The following TRIP11 variants were observed in gnomAD, a reference collection of about 807,000 sequenced individuals.
TRIP11 encodes thyroid receptor-interacting protein 11.
Under a neutral mutation model 223.1 loss-of-function variants are expected in TRIP11, and 148 were observed. The observed-to-expected ratio is 0.66, with a 90% CI of 0.58 to 0.76. The LOEUF (loss-of-function observed/expected upper bound fraction) is 0.76, where lower values mean the gene tolerates loss of function less well. Among genes scored for constraint, TRIP11 ranks in the 30% least tolerant of loss-of-function variants. TRIP11 has a pLI of 0.00. For synonymous variants in TRIP11, 762 were observed against 772.6 expected (o/e 0.99, Z 0.23); for missense variants, 2,043 against 2,222.0 (o/e 0.92, Z 1.62).
At chr14:92,032,282 G>A (rs1191515006) in intron 2 of TRIP11, among the ~76,000 whole-genome samples, 1 of 151,852 alleles carries the variant, frequency 6.6e-6, no homozygotes, top group Non-Finnish European at 1.5e-5. Flanking sequence ...TGAGTAGCTG[G>A]GATTACAGGT....
chr14:91,981,494 G>A (rs995750869), intron 16 of TRIP11, among the ~76,000 whole-genome samples: 20 of 151,842 alleles, frequency 1.3e-4, no homozygotes, highest in Admixed American at 5.2e-4. Flanking sequence ...AGGTTCAAGC[G>A]TTTCTTGCAC....
intron 5 of TRIP11, 118 bp downstream of exon 5, chr14:92,017,564 C>T: frequency 1.3e-6 from 1 of 797,756 alleles, no homozygotes; most frequent in Non-Finnish European, 2.0e-6. Flanking sequence ...AAAGAAGTAC[C>T]ATAATCTATA....
intron 17 of TRIP11, 142 bp downstream of exon 17, chr14:91,975,966 T>C (rs2056458747): frequency 1.5e-6 from 1 of 681,414 alleles, no homozygotes. Flanking sequence ...TCATTAAAGC[T>C]GCATCCTTCC....
At chr14:91,983,586 T>C (rs2056569768) in intron 16 of TRIP11, among the ~76,000 whole-genome samples, 1 of 152,238 alleles carries the variant, frequency 6.6e-6, no homozygotes, top group African/African-American at 2.4e-5. Flanking sequence ...ATTTACCTAA[T>C]TGACATACAC....
intron 10 of TRIP11, among the ~76,000 whole-genome samples, chr14:92,006,678 C>A (rs935170296): frequency 1.3e-5 from 2 of 152,150 alleles, no homozygotes; most frequent in African/African-American, 4.8e-5. Context: ...GCTCTTGTTG[C>A]CCAGGCTGGA....
rs1289085596 is a variant in TRIP11, at chr14:91,979,536, AG to A, written c.5261-3348del. Among the ~76,000 whole-genome samples the A allele has an allele frequency of 1.3e-5, 2 of 152,134 alleles. 1 individual carries two copies. Among genetic ancestry groups the A allele is most frequent in the Non-Finnish European group, 2.9e-5 (2 of 68,024 alleles). Reference sequence around the variant, plus strand: ...AAAACATCCTTAAGGCGAAAATGACAGGGTTAAAATTTCCTAAACTCACTAT... The same window carrying A: ...AAAACATCCTTAAGGCGAAAATGACAGGTTAAAATTTCCTAAACTCACTAT... On this transcript the variant is annotated intron_variant, in intron 16 of 20. Transcript: ENST00000267622.
In TRIP11 at chr14:92,004,155, T is replaced by A. The variant is rs2056866244; in HGVS notation, c.3821A>T (p.Tyr1274Phe). 1.9e-6 allele frequency: 3 copies of A among 1,614,224 alleles called. No homozygotes were observed. Among genetic ancestry groups the A allele is most frequent in the Admixed American group, 3.3e-5 (2 of 60,028 alleles). Residue 1274 changes from tyrosine to phenylalanine, a missense_variant, in exon 11 of 21, where the codon TAT (tyrosine) becomes TTT (phenylalanine). Tyr to Phe is a conservative substitution (Grantham distance 22). Transcript: ENST00000267622. ...TTTGAGTTTGGTTTCATTCTGCTCATAACTTTGGATCAGGCCAGTATAGTC... is the reference window on the plus strand; with the variant it reads ...TTTGAGTTTGGTTTCATTCTGCTCAAAACTTTGGATCAGGCCAGTATAGTC... ...QVDYTGLIQS[Y>F]EQNETKLKNF...
At chr14:92,019,327 A>G (rs993305069) in intron 4 of TRIP11, among the ~76,000 whole-genome samples, 5 of 152,214 alleles carry the variant, frequency 3.3e-5, no homozygotes, top group Admixed American at 1.3e-4. Flanking sequence ...GTTTAAATGC[A>G]GTTTAAGGCC....
intron 13 of TRIP11, among the ~76,000 whole-genome samples, chr14:91,998,789 T>C (rs2056783422): frequency 6.6e-6 from 1 of 152,134 alleles, no homozygotes; most frequent in Non-Finnish European, 1.5e-5. Flanking sequence ...ATAAACCCAG[T>C]TAATTCTTCA....
rs2057119543 is a variant in TRIP11, at chr14:92,021,843, T to C, written c.313-12A>G. On this transcript the variant is annotated splice_polypyrimidine_tract_variant and intron_variant, in intron 3 of 20. Coordinates refer to ENST00000267622, the MANE Select transcript of TRIP11 (RefSeq NM_004239.4). ...TGGCTGATTTCTACCTATATATTTA[T>C]AATCCAAGTTTTAGAGAAGGTACTT... is the stretch of plus-strand genomic sequence containing the variant. 1 of 1,612,402 alleles carries C rather than the reference T, an allele frequency of 6.2e-7. No individual in the cohort carries two copies. Among genetic ancestry groups the C allele is most frequent in the Non-Finnish European group, 8.5e-7 (1 of 1,179,940 alleles).
rs1445942672 is a variant in TRIP11, at chr14:92,005,608, T to A, written c.2368A>T (p.Lys790Ter). 1.2e-6 allele frequency: 2 copies of A among 1,613,784 alleles called. No homozygotes were observed. The highest frequency in any genetic ancestry group is 2.7e-5 in the African/African-American group (2 of 74,914). The change falls in exon 11 of 21, where the codon AAA (lysine) becomes TAA (stop). Residue 790 changes from lysine to a stop codon, truncating the protein, a stop_gained. Coordinates refer to ENST00000267622, the MANE Select transcript of TRIP11 (RefSeq NM_004239.4). LOFTEE classifies it high-confidence loss of function. ...KNIEQMDTDH[K>*]ETKDVLSSSL... Reference sequence around the variant, plus strand: ...GATGACAAAACGTCCTTAGTTTCTTTATGGTCAGTATCCATTTGTTCAATA... The same window carrying A: ...GATGACAAAACGTCCTTAGTTTCTTAATGGTCAGTATCCATTTGTTCAATA...
At position 91,999,239 on chromosome 14, in the gene TRIP11, C is replaced by T; in HGVS notation, c.4892+1G>A. 1 of 1,612,414 alleles carries T rather than the reference C, an allele frequency of 6.2e-7. No homozygotes were observed. The highest frequency in any genetic ancestry group is 8.5e-7 in the Non-Finnish European group (1 of 1,179,746). Reference sequence around the variant, plus strand: ...TTAATGCAAAAAAATGAAAAAATTACCTTGCATTTTCCATTGCATTAGAGG... The same window carrying T: ...TTAATGCAAAAAAATGAAAAAATTATCTTGCATTTTCCATTGCATTAGAGG... On this transcript the variant is annotated splice_donor_variant, in intron 13 of 20. Transcript: ENST00000267622. LOFTEE classifies it high-confidence loss of function.
At chr14:91,981,906 G>A (rs1250845737) in intron 16 of TRIP11, among the ~76,000 whole-genome samples, 1 of 151,590 alleles carries the variant, frequency 6.6e-6, no homozygotes, top group Admixed American at 6.6e-5. Context: ...TTTGATGCCA[G>A]GAGTTCAAGA....
intron 9 of TRIP11, among the ~76,000 whole-genome samples, chr14:92,010,229 C>T (rs1348573114): frequency 1.3e-5 from 2 of 151,432 alleles, no homozygotes; most frequent in Non-Finnish European, 3.0e-5. Flanking sequence ...TTGCTCTGTA[C>T]CCCTATAAAG....
At chr14:92,016,503 A>G (rs915294053) in intron 5 of TRIP11, among the ~76,000 whole-genome samples, 3 of 152,072 alleles carry the variant, frequency 2.0e-5, no homozygotes, top group Non-Finnish European at 2.9e-5. Context: ...CTCCTCCTTC[A>G]ATCCTGCGGA....
In TRIP11 at chr14:91,967,159, T is replaced by TTTTTTTTTTTTTTTTTTTTTTTTTTA. The variant is rs2056350189; in HGVS notation, c.*2513_*2514insTAAAAAAAAAAAAAAAAAAAAAAAAA. ...GCTTTTTTTTTTTTTTTTTTTTTTT[T>TTTTTTTTTTTTTTTTTTTTTTTTTTA]GAGACAGAGTCTCGCTCTGTCGCTC... On this transcript the variant is annotated 3_prime_UTR_variant, in exon 21 of 21. Transcript: ENST00000267622. The TTTTTTTTTTTTTTTTTTTTTTTTTTA allele has an allele frequency of 7.9e-6, 1 of 127,308 alleles. No individual in the cohort carries two copies. The highest frequency in any genetic ancestry group is 3.4e-5 in the African/African-American group (1 of 29,806). The allele number at this position is 127,308 out of a possible 1,614,324, so 7.9% of individuals were successfully genotyped here.
chr14:92,012,411 C>T (rs574897153), intron 7 of TRIP11, among the ~76,000 whole-genome samples: 2 of 152,278 alleles, frequency 1.3e-5, no homozygotes, highest in East Asian at 3.9e-4. Flanking sequence ...AAAATTTAGC[C>T]CTTGCTCTCG....
intron 2 of TRIP11, among the ~76,000 whole-genome samples, chr14:92,031,441 G>A (rs891412966): frequency 6.6e-6 from 1 of 152,088 alleles, no homozygotes; most frequent in African/African-American, 2.4e-5. Context: ...GCTGGGTGCG[G>A]TGTTGCATGC....
chr14:91,988,697 GA>G (rs1376190905), intron 15 of TRIP11, among the ~76,000 whole-genome samples: 2 of 149,608 alleles, frequency 1.3e-5, no homozygotes, highest in Non-Finnish European at 3.0e-5. Context: ...AGGAAGTCCA[GA>G]AATATAGCAA....
Sources: gnomAD v4.1 joint callset for allele counts (sites outside exome capture counted in the v4.1 genomes callset) on GRCh38, gnomAD v4.1.1 for gene constraint, MANE v1.5 for transcripts, NCBI Gene and HGNC (gene_info 2026-07-23, HGNC 2026-07-21) for gene names.